The following MCM3AP variants were observed in gnomAD, a reference collection of about 807,000 sequenced individuals.
The protein encoded by MCM3AP is germinal-center associated nuclear protein.
MCM3AP carries 126 observed loss-of-function variants against 184.1 expected under a neutral mutation model. The ratio of observed to expected loss-of-function variants is 0.68; its 90% CI spans 0.59 to 0.79. The LOEUF (loss-of-function observed/expected upper bound fraction) is 0.79, where lower values mean the gene tolerates loss of function less well. Among genes scored for constraint, MCM3AP ranks in the 30% least tolerant of loss-of-function variants. The pLI, the probability that MCM3AP is intolerant of heterozygous loss-of-function variation, is 0.00. For missense variants in MCM3AP, 2,496 were observed against 2,479.2 expected, an observed-to-expected ratio of 1.01 and a Z score of -0.14; for synonymous variants, 1,002 against 979.3, an observed-to-expected ratio of 1.02 and a Z score of -0.43.
chr21:46,253,329 A>T (rs1200782885), intron 19 of MCM3AP: 1 of 152,256 alleles, frequency 6.6e-6, no homozygotes, highest in African/African-American at 2.4e-5. Flanking sequence ...AAGCAGGTCT[A>T]TCAATGTACC....
At position 46,266,984 on chromosome 21, in the gene MCM3AP, G is replaced by A. The variant is rs2081120425; in HGVS notation, c.2787C>T (p.Asp929=). Residue 929 remains aspartate, a splice_region_variant and synonymous_variant, in exon 10 of 28, where the codon GAC becomes GAT. Coordinates refer to ENST00000291688, the MANE Select transcript of MCM3AP (RefSeq NM_003906.5). ...ACAGTTCCATTCTCAGCTCTTACCC[G>A]TCGGAAACGGTGAGGCCGTGGCAGG... ...FLTCHGLTVS[D]GCVELNRSAF... 12 of 1,614,134 alleles carry A rather than the reference G, an allele frequency of 7.4e-6. No homozygotes were observed. Among genetic ancestry groups the A allele is most frequent in the Admixed American group, 5.0e-5 (3 of 60,024 alleles).
In MCM3AP at chr21:46,264,092, G is replaced by A. The variant is rs138844186; in HGVS notation, c.3335+25C>T. On this transcript the variant is annotated intron_variant, in intron 13 of 27. Coordinates refer to ENST00000291688, the MANE Select transcript of MCM3AP (RefSeq NM_003906.5). ...TGCAGCTCCCCGCAGCACGTAGCAGGAGGGGAGCACGAGATGCCACTCACC... is the reference window on the plus strand; with the variant it reads ...TGCAGCTCCCCGCAGCACGTAGCAGAAGGGGAGCACGAGATGCCACTCACC... The A allele has an allele frequency of 2.1e-3, 3,197 of 1,558,450 alleles. 2 individuals carry two copies. The highest frequency in any genetic ancestry group is 2.6e-3 in the Non-Finnish European group (2,922 of 1,130,234).
At chr21:46,248,616 G>GGA (rs1222513880) in intron 20 of MCM3AP, among the ~76,000 whole-genome samples, 30 of 128,028 alleles carry the variant, frequency 2.3e-4, no homozygotes, top group Non-Finnish European at 2.7e-4. Flanking sequence ...TAACAGAGAG[G>GGA]AAAAAAAAAA....
chr21:46,259,884 A>T (rs2081018255), intron 15 of MCM3AP, among the ~76,000 whole-genome samples: 1 of 149,832 alleles, frequency 6.7e-6, no homozygotes, highest in Non-Finnish European at 1.5e-5. Flanking sequence ...CAGCTTGGGT[A>T]ACAGAGTAAA....
Position 46,260,894 on chromosome 21 carries a change from C to G in MCM3AP, c.3480G>C (p.Glu1160Asp). Residue 1160 changes from glutamate (E) to aspartate (D), a missense_variant, in exon 15 of 28, where the codon GAG becomes GAC. Glu to Asp is a conservative substitution (Grantham distance 45, BLOSUM62 2). This residue lies in a region of MCM3AP where 1,323 missense variants were observed against 1,273.4 expected (regional missense o/e 1.04). Coordinates refer to ENST00000291688, the MANE Select transcript of MCM3AP (RefSeq NM_003906.5). ...QRAEEERLKQ[E>D]RELVLSELSQ... is the part of the protein sequence containing the mutation. Reference sequence around the variant, plus strand: ...TCAGCTCACTTAACACCAGCTCTCTCTCTTGTTTCAACCTACAGGGAAGAG... The same window carrying G: ...TCAGCTCACTTAACACCAGCTCTCTGTCTTGTTTCAACCTACAGGGAAGAG... 6.2e-7 allele frequency: 1 copy of G among 1,612,018 alleles called. No homozygotes were observed. Among genetic ancestry groups the G allele is most frequent in the Non-Finnish European group, 8.5e-7 (1 of 1,178,018 alleles).
intron 2 of MCM3AP, 35 bp from the exon 3 acceptor site, chr21:46,280,610 T>C: frequency 1.4e-6 from 2 of 1,445,920 alleles, no homozygotes; most frequent in Non-Finnish European, 1.9e-6. Flanking sequence ...TGTGTGAGTA[T>C]ATCAGGAAAC....
At chr21:46,260,597 A>G (rs1227080995) in intron 15 of MCM3AP, among the ~76,000 whole-genome samples, 196 bp downstream of exon 15, 6 of 152,266 alleles carry the variant, frequency 3.9e-5, no homozygotes, top group Non-Finnish European at 7.3e-5. Context: ...CATATAAAAG[A>G]GAATTTTTTA....
Position 46,244,938 on chromosome 21 carries a change from G to C in MCM3AP, c.4907C>G (p.Thr1636Ser), listed in dbSNP as rs762200373. ...GCTGCCCCCTGCCTCAGCAAACTCAGTGACAGGCCAGGACAGGTCACACAG... is the reference window on the plus strand; with the variant it reads ...GCTGCCCCCTGCCTCAGCAAACTCACTGACAGGCCAGGACAGGTCACACAG... The part of the protein sequence containing the change: ...EQLCDLSWPV[T>S]EFAEAGGSRL... The change falls in exon 23 of 28, where the codon ACT (threonine) becomes AGT (serine). Residue 1636 changes from threonine to serine, a missense_variant. Coordinates refer to ENST00000291688, the MANE Select transcript of MCM3AP (RefSeq NM_003906.5). The C allele has an allele frequency of 5.0e-6, 8 of 1,614,110 alleles. No individual in the cohort carries two copies. The South Asian group carries it at 8.8e-5, about 18-fold the overall frequency.
At chr21:46,249,405 C>T (rs2080833648) in intron 20 of MCM3AP, among the ~76,000 whole-genome samples, 1 of 152,102 alleles carries the variant, frequency 6.6e-6, no homozygotes, top group African/African-American at 2.4e-5. Context: ...CCAGGCTGGT[C>T]TCGAACTCCT....
chr21:46,254,306 A>G lies in MCM3AP; in HGVS notation c.4136+86T>C, dbSNP rs2080914304. ...CTACACTTCCGAGTTCCCATCACAC[A>G]TAAGAGGAATACCCGGCCCTGGCCC... is the stretch of plus-strand genomic sequence containing the variant. On this transcript the variant is annotated intron_variant, in intron 19 of 27. Coordinates refer to ENST00000291688, the MANE Select transcript of MCM3AP (RefSeq NM_003906.5). 8.2e-6 allele frequency: 12 copies of G among 1,460,250 alleles called. No individual in the cohort carries two copies. In the Admixed American group the frequency reaches 1.0e-4, roughly 12 times the overall value. The allele number at this position is 1,460,250 out of a possible 1,614,324, so 90.5% of individuals were successfully genotyped here.
rs146190047 is a variant in MCM3AP, at chr21:46,240,878, A to C, written c.5566T>G (p.Ser1856Ala). 1.2e-6 allele frequency: 2 copies of C among 1,614,118 alleles called. No individual in the cohort carries two copies. The highest frequency in any genetic ancestry group is 2.7e-5 in the African/African-American group (2 of 74,944). Residue 1856 changes from serine (S) to alanine (A), a missense_variant, in exon 26 of 28, where the codon TCT becomes GCT. Ser to Ala is a moderately conservative substitution (Grantham distance 99). This residue lies in a region of MCM3AP where 1,323 missense variants were observed against 1,273.4 expected (regional missense o/e 1.04). Coordinates refer to ENST00000291688, the MANE Select transcript of MCM3AP (RefSeq NM_003906.5). Reference sequence around the variant, plus strand: ...CACTGCGCCAAGAGCTCCTCAGCAGAAGCTCCTCGCATCAGATCCTCTGTG... The same window carrying C: ...CACTGCGCCAAGAGCTCCTCAGCAGCAGCTCCTCGCATCAGATCCTCTGTG... ...PSTEDLMRGA[S>A]AEELLAQCLS...
intron 16 of MCM3AP, 125 bp from the exon 17 acceptor site, chr21:46,257,111 T>A: frequency 7.6e-7 from 1 of 1,314,256 alleles, no homozygotes; most frequent in Non-Finnish European, 1.0e-6. Flanking sequence ...GCAATGAAAC[T>A]ACCGAACGTT....
intron 26 of MCM3AP, among the ~76,000 whole-genome samples, chr21:46,240,235 C>T (rs1042243215): frequency 3.9e-5 from 6 of 152,018 alleles, no homozygotes; most frequent in Admixed American, 1.3e-4. Flanking sequence ...CAACAAGAGG[C>T]GTCAGGAAGG....
intron 21 of MCM3AP, 111 bp downstream of exon 21, chr21:46,246,517 T>C (rs2080773055): frequency 1.4e-6 from 2 of 1,478,586 alleles, no homozygotes; most frequent in Admixed American, 1.7e-5. Flanking sequence ...ACCACAGGGG[T>C]TGCTGTCTCA....
chr21:46,261,796 A>C (rs2081045723), intron 13 of MCM3AP, among the ~76,000 whole-genome samples: 1 of 152,154 alleles, frequency 6.6e-6, no homozygotes, highest in Non-Finnish European at 1.5e-5. Context: ...AAGGGAAAAA[A>C]AACACACAGG....
chr21:46,265,422 G>A lies in MCM3AP; in HGVS notation c.3133C>T (p.Pro1045Ser). 1.9e-6 allele frequency: 3 copies of A among 1,614,078 alleles called. No individual in the cohort carries two copies. Among genetic ancestry groups the A allele is most frequent in the Non-Finnish European group, 2.5e-6 (3 of 1,179,978 alleles). ...ACAGACGGGGTCAGTGCCAGGACAGGAGGCAGAGGCACTGGTGAGGGCGCA... is the reference window on the plus strand; with the variant it reads ...ACAGACGGGGTCAGTGCCAGGACAGAAGGCAGAGGCACTGGTGAGGGCGCA... Reference protein sequence around the residue: ...APAPSPVPLPPVLALTPSVAP... With the variant: ...APAPSPVPLPSVLALTPSVAP... Residue 1045 changes from proline to serine, a missense_variant, in exon 12 of 28, where the codon CCT (proline) becomes TCT (serine). Physicochemically the swap from Pro to Ser is moderately conservative, Grantham distance 74. Coordinates refer to ENST00000291688, the MANE Select transcript of MCM3AP (RefSeq NM_003906.5).
rs1159847757 is a variant in MCM3AP at position 46,270,571 on chromosome 21, T to A, written c.2466-8A>T. Reference sequence around the variant, plus strand: ...TGGAACTGTTGTACTTCTCTGTTAATTAAAGGAGAGAAAAGGGGTTGGAAT... The same window carrying A: ...TGGAACTGTTGTACTTCTCTGTTAAATAAAGGAGAGAAAAGGGGTTGGAAT... On this transcript the variant is annotated splice_polypyrimidine_tract_variant and splice_region_variant and intron_variant, in intron 8 of 27. Transcript: ENST00000291688. The A allele has an allele frequency of 6.3e-7, 1 of 1,584,608 alleles. No individual in the cohort carries two copies. The highest frequency in any genetic ancestry group is 8.6e-7 in the Non-Finnish European group (1 of 1,167,844).
Position 46,284,687 on chromosome 21 carries a change from A to G in MCM3AP, c.600T>C (p.Ser200=), listed in dbSNP as rs1307177071. ...AGGTAAAATTTGAAGTGGTAGCTGAACTACTTGTTACTTGAGGAAAAGAGA... is the reference window on the plus strand; with the variant it reads ...AGGTAAAATTTGAAGTGGTAGCTGAGCTACTTGTTACTTGAGGAAAAGAGA... ...APFSFPQVTS[S]SATTSNFTFS... Residue 200 remains serine, a synonymous_variant, in exon 1 of 28, where the codon AGT becomes AGC. Transcript: ENST00000291688. 6.2e-7 allele frequency: 1 copy of G among 1,614,148 alleles called. No individual in the cohort carries two copies. The highest frequency in any genetic ancestry group is 1.7e-5 in the Admixed American group (1 of 60,026).
At chr21:46,282,297 T>C (rs1051146467) in intron 2 of MCM3AP, among the ~76,000 whole-genome samples, 15 of 152,046 alleles carry the variant, frequency 9.9e-5, no homozygotes, top group African/African-American at 3.6e-4. Context: ...TTATTCACAA[T>C]AGCCAAAAAG....
Sources: allele counts gnomAD v4.1 joint callset (sites outside exome capture counted in the v4.1 genomes callset), GRCh38; gene constraint gnomAD v4.1.1; regional missense constraint gnomAD v4.1.1; transcripts MANE v1.5; gene names NCBI Gene and HGNC (gene_info 2026-07-23, HGNC 2026-07-21).